FYB2: variants seen among roughly 807,000 people sequenced by gnomAD.
FYB2 encodes the protein FYN binding protein 2, also known as FYN-binding protein 2.
In FYB2, 103 loss-of-function variants were observed where a neutral mutation model predicts 94.1. The ratio of observed to expected loss-of-function variants is 1.09; its 90% CI spans 0.93 to 1.29. FYB2 has a LOEUF of 1.29. Ranked by LOEUF, FYB2 falls within the 50% of genes most tolerant of loss-of-function variation. The pLI is 0.00. For synonymous variants in FYB2, 293 were observed against 287.9 expected, an observed-to-expected ratio of 1.02 and a Z score of -0.18; for missense variants, 896 against 841.5, an observed-to-expected ratio of 1.06 and a Z score of -0.80.
intron 17 of FYB2, chr1:56,720,770 A>ACC (rs1215087441): frequency 6.5e-6 from 1 of 153,932 alleles, no homozygotes; most frequent in African/African-American, 2.4e-5. Flanking sequence ...CCCTCCCCGC[A>ACC]CCCTATCCCC....
At chr1:56,732,568 G>C (rs545262476) in intron 15 of FYB2, among the ~76,000 whole-genome samples, 1 of 152,202 alleles carries the variant, frequency 6.6e-6, no homozygotes, top group East Asian at 1.9e-4. Context: ...CACAGTACCA[G>C]ACTTCAAAAC....
chr1:56,736,660 C>T (rs1644837797), intron 15 of FYB2, among the ~76,000 whole-genome samples: 1 of 152,012 alleles, frequency 6.6e-6, no homozygotes, highest in South Asian at 2.1e-4. Flanking sequence ...AGGCAATCCA[C>T]CTACCTCTGC....
At chr1:56,804,603 G>A in intron 1 of FYB2, among the ~76,000 whole-genome samples, 1 of 152,056 alleles carries the variant, frequency 6.6e-6, no homozygotes, top group East Asian at 1.9e-4. Flanking sequence ...GACGGTACAT[G>A]CATGTAGTCC....
At chr1:56,776,911 T>A (rs1260160030) in intron 4 of FYB2, among the ~76,000 whole-genome samples, 2 of 151,830 alleles carry the variant, frequency 1.3e-5, no homozygotes, top group Non-Finnish European at 2.9e-5. Flanking sequence ...GGGGGAAGGA[T>A]TTGATTTCAC....
chr1:56,767,977 A>G, intron 4 of FYB2, 39 bp from the exon 5 acceptor site: 1 of 1,442,650 alleles, frequency 6.9e-7, no homozygotes, highest in Non-Finnish European at 9.6e-7. Context: ...AACATTTTTA[A>G]AAACATATTT....
chr1:56,791,838 T>C (rs974963692), intron 2 of FYB2, among the ~76,000 whole-genome samples: 5 of 152,124 alleles, frequency 3.3e-5, no homozygotes, highest in Non-Finnish European at 7.4e-5. Context: ...AAATCCAAGT[T>C]TTTCCAAAAG....
chr1:56,824,678 G>A (rs1294904842), upstream of FYB2: 6 of 152,206 alleles, frequency 3.9e-5, no homozygotes, highest in South Asian at 2.1e-4. Context: ...TGCTGTTTCC[G>A]ACCCTTTGTC....
At chr1:56,744,311 A>G in intron 9 of FYB2, 45 bp from the exon 10 acceptor site, 1 of 1,416,670 alleles carries the variant, frequency 7.1e-7, no homozygotes, top group Non-Finnish European at 9.9e-7. Flanking sequence ...ATCAGCTGCC[A>G]TCATAAAGTC....
rs1012694087 is a variant in FYB2, at chr1:56,787,194, C to T, written c.934G>A (p.Gly312Ser). 1 of 1,613,814 alleles carries T rather than the reference C, an allele frequency of 6.2e-7. No homozygotes were observed. Among genetic ancestry groups the T allele is most frequent in the South Asian group, 1.1e-5 (1 of 91,084 alleles). Residue 312 changes from glycine to serine, a missense_variant, in exon 4 of 20, where the codon GGC becomes AGC. By Grantham distance (56) the Gly-to-Ser change is moderately conservative. Coordinates refer to ENST00000343433, the MANE Select transcript of FYB2 (RefSeq NM_001004303.5). Reference sequence around the variant, plus strand: ...ACTTACCTCTCTGGAGACAGGGAGCCCTCTTCCACAGTCACTGCAAGAGAA... The same window carrying T: ...ACTTACCTCTCTGGAGACAGGGAGCTCTCTTCCACAGTCACTGCAAGAGAA... ...KTQGEVTVEEGSLSPERLFNA... is the reference protein window; with the variant it reads ...KTQGEVTVEESSLSPERLFNA...
rs963267477 is a variant in FYB2, at chr1:56,746,770, G to C, written c.1388-2504C>G. 3.3e-5 allele frequency among the ~76,000 whole-genome samples: 5 copies of C among 151,988 alleles called. No individual in the cohort carries two copies. In the South Asian group the frequency reaches 8.3e-4, roughly 25 times the overall value. ...TTTGCTATAAGCATTTTGTATGTGT[G>C]TTTTGGTGCATTAAACTGTGCACTT... is the stretch of plus-strand genomic sequence containing the variant. On this transcript the variant is annotated intron_variant, in intron 9 of 19. Transcript: ENST00000343433.
In FYB2 at chr1:56,819,311, T is replaced by A. The variant is rs1449238940; in HGVS notation, c.-21A>T. 1 of 1,613,998 alleles carries A rather than the reference T, an allele frequency of 6.2e-7. No homozygotes were observed. The highest frequency in any genetic ancestry group is 8.5e-7 in the Non-Finnish European group (1 of 1,180,000). ...TCCATTGCTTTCCTCCAAGGCAGAGTCAGGGAAACAAGCCCAGCCTCTCAG... is the reference window on the plus strand; with the variant it reads ...TCCATTGCTTTCCTCCAAGGCAGAGACAGGGAAACAAGCCCAGCCTCTCAG... On this transcript the variant is annotated 5_prime_UTR_variant, in exon 1 of 20. Transcript: ENST00000343433.
chr1:56,751,244 T>C (rs766937889), intron 8 of FYB2, 41 bp from the exon 9 acceptor site: 307 of 1,582,730 alleles, frequency 1.9e-4, no homozygotes, highest in Non-Finnish European at 2.6e-4. Flanking sequence ...GGGCTGTGAC[T>C]TACCTAATCA....
chr1:56,758,699 G>C lies in FYB2; in HGVS notation c.1098+17C>G. The C allele has an allele frequency of 6.4e-7, 1 of 1,573,666 alleles. No homozygotes were observed. The highest frequency in any genetic ancestry group is 8.7e-7 in the Non-Finnish European group (1 of 1,153,722). ...TATTTTACTTTTAGTTACAATGTTG[G>C]TAAGGAGAAACAATACCTTTTGGAG... On this transcript the variant is annotated intron_variant, in intron 6 of 19. Transcript: ENST00000343433.
At chr1:56,800,298 A>G (rs1277064987) in intron 1 of FYB2, among the ~76,000 whole-genome samples, 1 of 152,130 alleles carries the variant, frequency 6.6e-6, no homozygotes, top group Non-Finnish European at 1.5e-5. Flanking sequence ...AAGGGCTTCA[A>G]TTCAACCTTC....
rs757510301 is a variant in FYB2 at position 56,792,415 on chromosome 1, G to A, written c.398C>T (p.Ala133Val). 3.6e-5 allele frequency: 58 copies of A among 1,613,996 alleles called. No individual in the cohort carries two copies. The highest frequency in any genetic ancestry group is 4.7e-5 in the Non-Finnish European group (56 of 1,180,034). Residue 133 changes from alanine (A) to valine (V), a missense_variant, in exon 2 of 20, where the codon GCC becomes GTC. Coordinates refer to ENST00000343433, the MANE Select transcript of FYB2 (RefSeq NM_001004303.5). ...CCAGAGTTTGTTTCTGAAGCTATTGGCCACCATTACTTTTTCCTTAGTGAT... is the reference window on the plus strand; with the variant it reads ...CCAGAGTTTGTTTCTGAAGCTATTGACCACCATTACTTTTTCCTTAGTGAT... The part of the protein sequence containing the change: ...EIITKEKVMV[A>V]NSFRNKLWNW...
intron 4 of FYB2, among the ~76,000 whole-genome samples, chr1:56,771,599 A>T (rs1409857368): frequency 6.6e-6 from 1 of 152,172 alleles, no homozygotes; most frequent in African/African-American, 2.4e-5. Context: ...GATGCAGTTG[A>T]AGGGGACTAG....
chr1:56,777,882 T>C (rs1319763372), intron 4 of FYB2, among the ~76,000 whole-genome samples: 1 of 152,188 alleles, frequency 6.6e-6, no homozygotes, highest in East Asian at 1.9e-4. Flanking sequence ...GCAGCCAAGA[T>C]GATCTTCTCA....
chr1:56,751,874 A>T (rs941646325), intron 8 of FYB2, among the ~76,000 whole-genome samples: 1 of 152,160 alleles, frequency 6.6e-6, no homozygotes, highest in African/African-American at 2.4e-5. Flanking sequence ...TTACAGCAGT[A>T]TTGCTCACTG....
intron 1 of FYB2, among the ~76,000 whole-genome samples, chr1:56,818,243 C>T (rs929698702): frequency 6.6e-6 from 1 of 151,988 alleles, no homozygotes; most frequent in Non-Finnish European, 1.5e-5. Flanking sequence ...CCCCTGCTCA[C>T]CCCTTTCCAA....
Sources: allele counts gnomAD v4.1 joint callset (sites outside exome capture counted in the v4.1 genomes callset), GRCh38; gene constraint gnomAD v4.1.1; transcripts MANE v1.5; gene names NCBI Gene and HGNC (gene_info 2026-07-23, HGNC 2026-07-21).